Variants in HACE1 observed in about 807,000 individuals in gnomAD.
HACE1 encodes the protein E3 ubiquitin-protein ligase HACE1.
HACE1 carries 73 observed loss-of-function variants against 118.4 expected under a neutral mutation model. That is an observed-to-expected ratio of 0.62 (90% CI 0.51 to 0.75). The LOEUF (loss-of-function observed/expected upper bound fraction) is 0.75. Ranked by LOEUF, HACE1 falls within the 30% of genes least tolerant of loss-of-function variation. HACE1 has a pLI of 0.00. For missense variants in HACE1, 749 were observed against 1,102.2 expected (o/e 0.68, Z 4.54); for synonymous variants, 368 against 374.8 (o/e 0.98, Z 0.21).
rs1258914482 is a variant in HACE1, at chr6:104,771,402, A to G, written c.2015-13T>C. ...TTTACAGGAATACCTAAAAAATGCA[A>G]ACATACAGCAGTTATAGTCTGGTTT... On this transcript the variant is annotated splice_polypyrimidine_tract_variant and intron_variant, in intron 18 of 23. Transcript: ENST00000262903. 6.4e-7 allele frequency: 1 copy of G among 1,566,672 alleles called. No individual in the cohort carries two copies.
Position 104,777,223 on chromosome 6 carries a change from A to G in HACE1, c.1661T>C (p.Ile554Thr). The stretch of plus-strand genomic sequence containing the variant: ...AAGCATACCTCTGTGAACCAGCAGG[A>G]TATCATTTTCATTCACTGGCCTGTG... ...MVHRPVNENDILLVHRDSIFR... is the reference protein window; with the variant it reads ...MVHRPVNENDTLLVHRDSIFR... Residue 554 changes from isoleucine to threonine, a missense_variant, in exon 15 of 24, where the codon ATC (isoleucine) becomes ACC (threonine). Transcript: ENST00000262903. 1.2e-6 allele frequency: 2 copies of G among 1,611,046 alleles called. No homozygotes were observed. The highest frequency in any genetic ancestry group is 1.7e-6 in the Non-Finnish European group (2 of 1,177,188).
At chr6:104,815,363 G>A (rs1291429002) in intron 6 of HACE1, among the ~76,000 whole-genome samples, 2 of 136,484 alleles carry the variant, frequency 1.5e-5, no homozygotes, top group African/African-American at 5.9e-5. Flanking sequence ...GGTATCTGGT[G>A]GAAGAAATTT....
chr6:104,796,955 C>T lies in HACE1; in HGVS notation c.688G>A (p.Val230Ile). 6.3e-7 allele frequency: 1 copy of T among 1,590,978 alleles called. No homozygotes were observed. Among genetic ancestry groups the T allele is most frequent in the East Asian group, 2.2e-5 (1 of 44,682 alleles). Residue 230 changes from valine to isoleucine, a missense_variant, in exon 8 of 24, where the codon GTA (valine) becomes ATA (isoleucine). Physicochemically the swap from Val to Ile is conservative, Grantham distance 29. Around this residue, in one of 5 missense-constraint regions of HACE1, gnomAD observed 267 missense variants for 312.2 expected, o/e 0.86. Coordinates refer to ENST00000262903, the MANE Select transcript of HACE1 (RefSeq NM_020771.4). Reference sequence around the variant, plus strand: ...TGTACACATAAATCCAGAGGAGTTACTCCATTTTTATCTGGCAGATATTTG... The same window carrying T: ...TGTACACATAAATCCAGAGGAGTTATTCCATTTTTATCTGGCAGATATTTG... ...GAKYLPDKNGVTPLDLCVQGG... is the reference protein window; with the variant it reads ...GAKYLPDKNGITPLDLCVQGG...
rs1338283439 is a variant in HACE1 at position 104,739,671 on chromosome 6, T to C, written c.2513+4489A>G. Reference sequence around the variant, plus strand: ...GGAACACCAAGATTCATAAAGCAAGTCCTGAGTGACCTACAAAGAGACTTA... The same window carrying C: ...GGAACACCAAGATTCATAAAGCAAGCCCTGAGTGACCTACAAAGAGACTTA... On this transcript the variant is annotated intron_variant, in intron 22 of 23. Coordinates refer to ENST00000262903, the MANE Select transcript of HACE1 (RefSeq NM_020771.4). 5.3e-5 allele frequency among the ~76,000 whole-genome samples: 8 copies of C among 151,794 alleles called. No homozygotes were observed. In the South Asian group the frequency reaches 1.3e-3, roughly 24 times the overall value.
At position 104,849,641 on chromosome 6, in the gene HACE1, C is replaced by T. The variant is rs563078122; in HGVS notation, c.222-395G>A. On this transcript the variant is annotated intron_variant, in intron 3 of 23. Transcript: ENST00000262903. ...TACAGGTGTGAGCCGCCATGCCTGGCCTTAAACACATTTTTTTTTTTTTCT... is the reference window on the plus strand; with the variant it reads ...TACAGGTGTGAGCCGCCATGCCTGGTCTTAAACACATTTTTTTTTTTTTCT... Among the ~76,000 whole-genome samples, 247 of 133,056 alleles carry T rather than the reference C, an allele frequency of 1.9e-3. 1 individual carries two copies. Among genetic ancestry groups the T allele is most frequent in the African/African-American group, 6.7e-3 (234 of 35,172 alleles). 87.3% of individuals were successfully genotyped at this position (133,056 alleles called of 152,430 possible).
At chr6:104,735,485 G>C (rs1392639465) in intron 22 of HACE1, among the ~76,000 whole-genome samples, 2 of 152,048 alleles carry the variant, frequency 1.3e-5, no homozygotes, top group Non-Finnish European at 2.9e-5. Flanking sequence ...ACAAAAATTA[G>C]CCATGCATGG....
chr6:104,841,122 A>C lies in HACE1; in HGVS notation c.402+2101T>G, dbSNP rs1775079532. On this transcript the variant is annotated intron_variant, in intron 5 of 23. Transcript: ENST00000262903. ...GGCAACAGTGAGACTCTGTCTCAAA[A>C]AAAAAAAAAAAAATAGCTGAGAGAA... 2.0e-5 allele frequency among the ~76,000 whole-genome samples: 3 copies of C among 151,812 alleles called. No homozygotes were observed. The South Asian group carries it at 6.2e-4, about 31-fold the overall frequency.
At chr6:104,830,758 CTTT>C (rs3035081) in intron 6 of HACE1, among the ~76,000 whole-genome samples, 2 of 132,944 alleles carry the variant, frequency 1.5e-5, no homozygotes, top group African/African-American at 2.9e-5. Context: ...AAATTACATT[CTTT>C]TTTTTTTTTT....
At position 104,750,361 on chromosome 6, in the gene HACE1, G is replaced by C; in HGVS notation, c.2323C>G (p.Leu775Val). The C allele has an allele frequency of 6.2e-7, 1 of 1,612,524 alleles. No homozygotes were observed. The highest frequency in any genetic ancestry group is 8.5e-7 in the Non-Finnish European group (1 of 1,178,838). Reference sequence around the variant, plus strand: ...CTTACCAATTCATATTCATCAAAAAGCTGTATGAGGGAGGGTGGAATGAAC... The same window carrying C: ...CTTACCAATTCATATTCATCAAAAACCTGTATGAGGGAGGGTGGAATGAAC... Reference protein sequence around the residue: ...HMFIPPSLIQLFDEYELELLL... With the variant: ...HMFIPPSLIQVFDEYELELLL... Residue 775 changes from leucine (L) to valine (V), a missense_variant, in exon 20 of 24, where the codon CTT becomes GTT. Physicochemically the swap from Leu to Val is conservative, Grantham distance 32. Transcript: ENST00000262903.
At chr6:104,779,542 G>T (rs1480635548) in intron 14 of HACE1, among the ~76,000 whole-genome samples, 1 of 152,044 alleles carries the variant, frequency 6.6e-6, no homozygotes, top group African/African-American at 2.4e-5. Flanking sequence ...ATGCATTACT[G>T]TGCATATAAA....
At chr6:104,781,616 T>G (rs918423811) in intron 14 of HACE1, among the ~76,000 whole-genome samples, 3 of 152,196 alleles carry the variant, frequency 2.0e-5, no homozygotes. Context: ...CTTGCTTATT[T>G]GATCAACCTG....
chr6:104,741,152 A>G (rs1411669284), intron 22 of HACE1, among the ~76,000 whole-genome samples: 1 of 109,634 alleles, frequency 9.1e-6, no homozygotes, highest in African/African-American at 5.1e-5. Context: ...TATTGATGGG[A>G]TGTATCTCAA....
chr6:104,757,474 T>G (rs996595555), intron 19 of HACE1, among the ~76,000 whole-genome samples: 7 of 152,126 alleles, frequency 4.6e-5, no homozygotes, highest in African/African-American at 1.7e-4. Context: ...GAAGGAAAAC[T>G]AACACACAGA....
chr6:104,789,978 T>C (rs1782843246), intron 11 of HACE1, among the ~76,000 whole-genome samples: 1 of 151,658 alleles, frequency 6.6e-6, no homozygotes, highest in South Asian at 2.1e-4. Flanking sequence ...AAGTCGTCAC[T>C]CCTAACTAGA....
intron 14 of HACE1, among the ~76,000 whole-genome samples, chr6:104,780,197 GA>G (rs1781583778): frequency 6.6e-6 from 1 of 151,886 alleles, no homozygotes; most frequent in South Asian, 2.1e-4. Context: ...TGTGAACCAA[GA>G]AATAAAAACA....
intron 22 of HACE1, among the ~76,000 whole-genome samples, chr6:104,737,449 G>A (rs1776012020): frequency 6.6e-6 from 1 of 152,172 alleles, no homozygotes; most frequent in Admixed American, 6.5e-5. Context: ...GGCAGACAGT[G>A]GGCGCAGGTC....
chr6:104,735,328 T>C (rs1775695348), intron 22 of HACE1, among the ~76,000 whole-genome samples: 1 of 151,962 alleles, frequency 6.6e-6, no homozygotes, highest in Non-Finnish European at 1.5e-5. Flanking sequence ...ATAAAATAAA[T>C]TATATGAAAG....
In HACE1 at chr6:104,837,747, C is replaced by T. The variant is rs1346999024; in HGVS notation, c.403-4574G>A. Among the ~76,000 whole-genome samples the T allele has an allele frequency of 2.6e-5, 4 of 152,076 alleles. No individual in the cohort carries two copies. The East Asian group carries it at 5.8e-4, about 22-fold the overall frequency. ...GCAATCAGGCAAAAGAAAGAAATAA[C>T]GGACATTCATATTAGAAAGAAAGAT... is the stretch of plus-strand genomic sequence containing the variant. On this transcript the variant is annotated intron_variant, in intron 5 of 23. Transcript: ENST00000262903.
chr6:104,831,785 C>T (rs1332480503), intron 6 of HACE1, among the ~76,000 whole-genome samples: 5 of 145,876 alleles, frequency 3.4e-5, no homozygotes, highest in African/African-American at 7.6e-5. Flanking sequence ...CCCAGCCACT[C>T]GGGAGGCTGA....
Sources: gnomAD v4.1 joint callset for allele counts (sites outside exome capture counted in the v4.1 genomes callset) on GRCh38, gnomAD v4.1.1 for gene constraint, gnomAD v4.1.1 regional missense constraint, MANE v1.5 for transcripts, NCBI Gene and HGNC (gene_info 2026-07-23, HGNC 2026-07-21) for gene names.